Variants in AHI1 observed in about 807,000 individuals in gnomAD.
AHI1 encodes Abelson helper integration site 1.
A neutral mutation model predicts 149.3 loss-of-function variants in AHI1; 123 were observed. The ratio of observed to expected loss-of-function variants is 0.82; its 90% CI spans 0.71 to 0.96. The LOEUF is 0.96. Ranked by LOEUF, AHI1 falls within the 40% of genes least tolerant of loss-of-function variation. The pLI, the probability that AHI1 is intolerant of heterozygous loss-of-function variation, is 0.00. For synonymous variants in AHI1, 475 were observed against 459.8 expected, an observed-to-expected ratio of 1.03 and a Z score of -0.42; for missense variants, 1,439 against 1,422.7, an observed-to-expected ratio of 1.01 and a Z score of -0.18.
intron 22 of AHI1, among the ~76,000 whole-genome samples, chr6:135,399,249 C>A (rs1478164472): frequency 6.6e-6 from 1 of 152,174 alleles, no homozygotes; most frequent in Non-Finnish European, 1.5e-5. Context: ...ATAGACCCTT[C>A]TATTTTAGTA....
Position 135,305,853 on chromosome 6 carries a change from G to A in AHI1, c.3427-5295C>T, listed in dbSNP as rs570529312. Among the ~76,000 whole-genome samples, 8 of 152,242 alleles carry A rather than the reference G, an allele frequency of 5.3e-5. No homozygotes were observed. The South Asian group carries it at 1.7e-3, about 32-fold the overall frequency. On this transcript the variant is annotated intron_variant, in intron 26 of 28. Transcript: ENST00000265602. ...TTCTGCTTTCAACCTTGCATCCTAAGCTGCAGCCATGATGAAACATTTCTG... is the reference window on the plus strand; with the variant it reads ...TTCTGCTTTCAACCTTGCATCCTAAACTGCAGCCATGATGAAACATTTCTG...
chr6:135,426,042 T>C (rs1164784285), intron 20 of AHI1, among the ~76,000 whole-genome samples: 2 of 151,944 alleles, frequency 1.3e-5, no homozygotes, highest in South Asian at 4.1e-4. Context: ...GGTATAACTC[T>C]TCATTTATGT....
At chr6:135,473,107 T>C (rs893830784) in intron 5 of AHI1, among the ~76,000 whole-genome samples, 5 of 152,170 alleles carry the variant, frequency 3.3e-5, no homozygotes, top group Admixed American at 6.5e-5. Flanking sequence ...CTTAAATATG[T>C]CTTTGATCCA....
chr6:135,304,322 G>C (rs1308856941), intron 26 of AHI1, among the ~76,000 whole-genome samples: 2 of 152,156 alleles, frequency 1.3e-5, no homozygotes, highest in East Asian at 3.8e-4. Flanking sequence ...CAAAGTGCTA[G>C]AATTATGGGC....
At chr6:135,416,616 T>A (rs1782422685) in intron 20 of AHI1, among the ~76,000 whole-genome samples, 1 of 151,948 alleles carries the variant, frequency 6.6e-6, no homozygotes, top group African/African-American at 2.4e-5. Context: ...TTGGAAAAAA[T>A]AATTTATAAA....
At chr6:135,483,762 G>C (rs1472631036) in intron 5 of AHI1, among the ~76,000 whole-genome samples, 1 of 152,028 alleles carries the variant, frequency 6.6e-6, no homozygotes, top group Non-Finnish European at 1.5e-5. Context: ...CTGATGCTTT[G>C]ATTCCACAAT....
intron 27 of AHI1, among the ~76,000 whole-genome samples, chr6:135,293,074 G>T (rs977719400): frequency 2.6e-5 from 4 of 152,110 alleles, no homozygotes; most frequent in Admixed American, 2.6e-4. Context: ...TTTATCCGAG[G>T]AACGCGAAGT....
At chr6:135,435,398 A>G (rs1167312119) in intron 15 of AHI1, among the ~76,000 whole-genome samples, 2 of 152,236 alleles carry the variant, frequency 1.3e-5, no homozygotes, top group Non-Finnish European at 2.9e-5. Context: ...CTACAAACCT[A>G]TGAGAGCTCA....
Position 135,463,272 on chromosome 6 carries a change from C to T in AHI1, c.784G>A (p.Glu262Lys), listed in dbSNP as rs1214737082. The T allele has an allele frequency of 1.9e-6, 3 of 1,609,804 alleles. No individual in the cohort carries two copies. The highest frequency in any genetic ancestry group is 2.5e-6 in the Non-Finnish European group (3 of 1,179,138). ...CTAACTGAAGATTCTTTCTTTTGTT[C>T]ACCTTCAACTGTGTCACCAGAGATG... ...LTISGDTVEG[E>K]QKKESSVRSV... Residue 262 changes from glutamate to lysine, a missense_variant, in exon 8 of 29, where the codon GAA becomes AAA. Glu to Lys is a moderately conservative substitution (Grantham distance 56). Coordinates refer to ENST00000265602, the MANE Select transcript of AHI1 (RefSeq NM_001134831.2).
intron 28 of AHI1, chr6:135,286,351 A>AT (rs1486292105): frequency 6.6e-6 from 1 of 152,268 alleles, no homozygotes; most frequent in Non-Finnish European, 1.5e-5. Flanking sequence ...TAAACCTAAC[A>AT]TTTTTTAATG....
At chr6:135,426,756 G>A (rs896976338) in intron 20 of AHI1, among the ~76,000 whole-genome samples, 1 of 151,502 alleles carries the variant, frequency 6.6e-6, no homozygotes, top group East Asian at 1.9e-4. Flanking sequence ...TTGCGGACAC[G>A]AAAGACATTA....
Position 135,463,212 on chromosome 6 carries a change from T to C in AHI1, c.844A>G (p.Ile282Val), listed in dbSNP as rs1248859192. The change falls in exon 8 of 29, where the codon ATA (isoleucine) becomes GTA (valine). Residue 282 changes from isoleucine to valine, a missense_variant. Transcript: ENST00000265602. ...VSSDSHQDDEISSMEQSTEDS... is the reference protein window; with the variant it reads ...VSSDSHQDDEVSSMEQSTEDS... ...TCTGTGCTTTGTTCCATTGAGCTTA[T>C]TTCATCATCTTGATGAGAATCTGAA... The C allele has an allele frequency of 1.2e-6, 2 of 1,610,678 alleles. No homozygotes were observed. Among genetic ancestry groups the C allele is most frequent in the Non-Finnish European group, 1.7e-6 (2 of 1,179,476 alleles).
At chr6:135,488,588 C>T (rs1794805328) in intron 5 of AHI1, among the ~76,000 whole-genome samples, 1 of 152,010 alleles carries the variant, frequency 6.6e-6, no homozygotes, top group Non-Finnish European at 1.5e-5. Flanking sequence ...AAAAAGAATC[C>T]CAATATCTAT....
At chr6:135,361,848 T>C (rs1044848609) in intron 23 of AHI1, among the ~76,000 whole-genome samples, 3 of 152,166 alleles carry the variant, frequency 2.0e-5, no homozygotes, top group African/African-American at 7.2e-5. Flanking sequence ...TTGATTTTAT[T>C]TTTTATTTCA....
Position 135,455,734 on chromosome 6 carries a change from C to G in AHI1, c.1344G>C (p.Glu448Asp). The change falls in exon 10 of 29, where the codon GAG (glutamate) becomes GAC (aspartate). Residue 448 changes from glutamate (E) to aspartate (D), a missense_variant and splice_region_variant. Glu to Asp is a conservative substitution (Grantham distance 45). Coordinates refer to ENST00000265602, the MANE Select transcript of AHI1 (RefSeq NM_001134831.2). ...TTGAATTGGTCCATTCAATTCATAC[C>G]TCAAAGAACAGGATGACTTTAGGAC... ...DESPKVILFF[E>D]ILDFLSVDEI... 1 of 1,575,282 alleles carries G rather than the reference C, an allele frequency of 6.3e-7. No individual in the cohort carries two copies. Among genetic ancestry groups the G allele is most frequent in the Non-Finnish European group, 8.7e-7 (1 of 1,155,998 alleles).
chr6:135,285,294 A>G lies in AHI1; in HGVS notation c.*351T>C. 3.0e-6 allele frequency: 1 copy of G among 331,474 alleles called. No homozygotes were observed. Among genetic ancestry groups the G allele is most frequent in the South Asian group, 4.8e-5 (1 of 20,876 alleles). 20.5% of individuals were successfully genotyped at this position (331,474 alleles called of 1,614,324 possible). On this transcript the variant is annotated 3_prime_UTR_variant, in exon 29 of 29. Transcript: ENST00000265602. ...AAATGATTACTTAACAGACATCCTA[A>G]TAACGCAAACACCTTTTATTCACAT...
At chr6:135,484,018 TC>T in intron 5 of AHI1, among the ~76,000 whole-genome samples, 2 of 152,308 alleles carry the variant, frequency 1.3e-5, no homozygotes, top group African/African-American at 4.8e-5. Context: ...GACTTAAAGT[TC>T]CACATGGCTG....
intron 5 of AHI1, among the ~76,000 whole-genome samples, chr6:135,485,136 T>C (rs1235503335): frequency 1.3e-5 from 2 of 151,720 alleles, no homozygotes; most frequent in Admixed American, 6.6e-5. Flanking sequence ...TGAGGTGGCA[T>C]GATCTAGGCT....
intron 23 of AHI1, among the ~76,000 whole-genome samples, chr6:135,360,426 T>G (rs1793681922): frequency 6.6e-6 from 1 of 152,220 alleles, no homozygotes; most frequent in Non-Finnish European, 1.5e-5. Context: ...ACAACTCACC[T>G]GAGAGCGAGG....
Sources: gnomAD v4.1 joint callset for allele counts (sites outside exome capture counted in the v4.1 genomes callset) on GRCh38, gnomAD v4.1.1 for gene constraint, MANE v1.5 for transcripts, NCBI Gene and HGNC (gene_info 2026-07-23, HGNC 2026-07-21) for gene names.